THRA: variants seen among roughly 807,000 people sequenced by gnomAD.
The protein encoded by THRA is EAR-7.
In THRA, 13 loss-of-function variants were observed where a neutral mutation model predicts 45.0. The observed-to-expected ratio is 0.29, with a 90% CI of 0.19 to 0.46. THRA has a LOEUF of 0.46. THRA is among the 20% of genes least tolerant of loss of function. The pLI is 1.00. For synonymous variants in THRA, 195 were observed against 214.0 expected (o/e 0.91, Z 0.78); for missense variants, 278 against 556.1 (o/e 0.50, Z 5.03).
At chr17:40,063,430 G>A (rs1196987514) in intron 1 of THRA, among the ~76,000 whole-genome samples, 1 of 152,122 alleles carries the variant, frequency 6.6e-6, no homozygotes, top group South Asian at 2.1e-4. Flanking sequence ...GGCCGCCGGA[G>A]CTCCCCCGCC....
At chr17:40,070,554 C>T (rs1006532207) in intron 1 of THRA, among the ~76,000 whole-genome samples, 1 of 152,148 alleles carries the variant, frequency 6.6e-6, no homozygotes, top group African/African-American at 2.4e-5. Flanking sequence ...CAGTGCTGCC[C>T]ATAGACGCCT....
intron 4 of THRA, among the ~76,000 whole-genome samples, chr17:40,083,170 G>T (rs907849585): frequency 1.3e-5 from 2 of 151,032 alleles, no homozygotes; most frequent in African/African-American, 4.9e-5. Context: ...CTTGTGATCC[G>T]CCTGCCTCAG....
chr17:40,072,611 A>G (rs1290690663), intron 1 of THRA, among the ~76,000 whole-genome samples: 1 of 152,108 alleles, frequency 6.6e-6, no homozygotes, highest in Non-Finnish European at 1.5e-5. Flanking sequence ...ACAGACAGAC[A>G]TGCAGGCAGC....
At chr17:40,080,186 G>A (rs976147667) in intron 4 of THRA, among the ~76,000 whole-genome samples, 9 of 152,116 alleles carry the variant, frequency 5.9e-5, no homozygotes. Context: ...GATTGCTTGA[G>A]CCCAGGAGTT....
At chr17:40,093,167 C>G (rs1471852320), downstream of THRA, 2 of 1,613,898 alleles carry the variant, frequency 1.2e-6, no homozygotes, top group Non-Finnish European at 1.7e-6. This position sits in a 1 kb window ranked among gnomAD's most constrained non-coding sequence, Gnocchi z 5.9. Context: ...TGAGCAGCAG[C>G]TTGGTGAAGC....
intron 1 of THRA, among the ~76,000 whole-genome samples, chr17:40,070,689 C>T (rs1390518605): frequency 6.6e-6 from 1 of 152,032 alleles, no homozygotes; most frequent in African/African-American, 2.4e-5. Context: ...GGAGGGATCT[C>T]CCCCCACCCT....
At position 40,084,797 on chromosome 17, in the gene THRA, A is replaced by C; in HGVS notation, c.558A>C (p.Lys186Asn). The change falls in exon 6 of 9, where the codon AAA (lysine) becomes AAC (asparagine). Residue 186 changes from lysine (K) to asparagine (N), a missense_variant. Physicochemically the swap from Lys to Asn is moderately conservative, Grantham distance 94. Around this residue, in one of 6 missense-constraint regions of THRA, gnomAD observed 111 missense variants for 167.1 expected, o/e 0.66. Coordinates refer to ENST00000450525, the MANE Select transcript of THRA (RefSeq NM_199334.5). ...RSTNAQGSHWKQRRKFLPDDI... is the reference protein window; with the variant it reads ...RSTNAQGSHWNQRRKFLPDDI... ...CCAATGCCCAGGGCAGCCATTGGAA[A>C]CAGAGGCGGAAATTCCTGGTAAGGA... The C allele has an allele frequency of 6.2e-7, 1 of 1,613,692 alleles. No homozygotes were observed. The highest frequency in any genetic ancestry group is 8.5e-7 in the Non-Finnish European group (1 of 1,179,998).
chr17:40,071,405 C>T (rs1271222277), intron 1 of THRA, among the ~76,000 whole-genome samples: 2 of 152,200 alleles, frequency 1.3e-5, no homozygotes, highest in Admixed American at 6.5e-5. Flanking sequence ...CCGTGGATGC[C>T]GCATTGGCCC....
At chr17:40,082,753 G>A (rs1232433353) in intron 4 of THRA, among the ~76,000 whole-genome samples, 2 of 133,664 alleles carry the variant, frequency 1.5e-5, no homozygotes, top group Non-Finnish European at 3.1e-5. Context: ...CTATAGAATC[G>A]CATGCTTTTT....
intron 2 of THRA, among the ~76,000 whole-genome samples, chr17:40,076,314 G>A (rs1399685300): frequency 1.3e-5 from 2 of 152,186 alleles, no homozygotes; most frequent in African/African-American, 2.4e-5. Flanking sequence ...AGGGATGAGG[G>A]TGGTTTTATG....
chr17:40,068,235 A>G (rs1475402817), intron 1 of THRA, among the ~76,000 whole-genome samples: 1 of 152,326 alleles, frequency 6.6e-6, no homozygotes, highest in South Asian at 2.1e-4. Context: ...TTCATTATCT[A>G]GAGACAATGG....
intron 1 of THRA, among the ~76,000 whole-genome samples, chr17:40,067,935 G>T (rs1285842058): frequency 2.0e-5 from 3 of 152,192 alleles, no homozygotes; most frequent in Admixed American, 6.5e-5. Flanking sequence ...CCGGAGGATC[G>T]CTTAAGCCTG....
At chr17:40,073,902 C>T (rs1043833899) in intron 1 of THRA, among the ~76,000 whole-genome samples, 3 of 152,096 alleles carry the variant, frequency 2.0e-5, no homozygotes, top group African/African-American at 7.2e-5. Flanking sequence ...TCATTAAGGG[C>T]CAGGCATTTG....
chr17:40,091,291 T>C lies in THRA; in HGVS notation c.*1835T>C, dbSNP rs1484235845. 1 of 149,384 alleles carries C rather than the reference T, an allele frequency of 6.7e-6. No homozygotes were observed. Among genetic ancestry groups the C allele is most frequent in the East Asian group, 2.1e-4 (1 of 4,794 alleles). The allele number at this position is 149,384 out of a possible 1,614,324, so 9.3% of individuals were successfully genotyped here. On this transcript the variant is annotated 3_prime_UTR_variant, in exon 9 of 9. Transcript: ENST00000450525. ...ACACACGGACATGCACACACGGACATGGGAAGGCAATGCTATGCTGCCCGT... is the reference window on the plus strand; with the variant it reads ...ACACACGGACATGCACACACGGACACGGGAAGGCAATGCTATGCTGCCCGT...
At chr17:40,082,125 A>G (rs1987157449) in intron 4 of THRA, among the ~76,000 whole-genome samples, 1 of 151,948 alleles carries the variant, frequency 6.6e-6, no homozygotes, top group South Asian at 2.1e-4. Context: ...ACAACAGGCA[A>G]CATATATGAG....
At chr17:40,062,835 G>A (rs1195480684), upstream of THRA, 3 of 145,498 alleles carry the variant, frequency 2.1e-5, no homozygotes, top group African/African-American at 2.5e-5. Context: ...GAGCAGCCGC[G>A]AGCCGGCCGG....
chr17:40,081,723 G>A (rs1987142569), intron 4 of THRA, among the ~76,000 whole-genome samples: 1 of 152,058 alleles, frequency 6.6e-6, no homozygotes. Context: ...CAGCACTTTG[G>A]GAGGCCGAGG....
At chr17:40,065,046 G>GTT (rs112292718) in intron 1 of THRA, among the ~76,000 whole-genome samples, 42,803 of 149,162 alleles carry the variant, frequency 0.29, 6,408 homozygotes, top group Admixed American at 0.39. Flanking sequence ...GGAATGGGCT[G>GTT]TTTTTTTTTT....
intron 5 of THRA, among the ~76,000 whole-genome samples, 165 bp downstream of exon 5, chr17:40,084,147 C>T (rs1484480717): frequency 2.0e-5 from 3 of 152,126 alleles, no homozygotes; most frequent in Non-Finnish European, 2.9e-5. Flanking sequence ...CTCCTTCCTG[C>T]GCAAAAGGAA....
Sources: gnomAD v4.1 joint callset for allele counts (sites outside exome capture counted in the v4.1 genomes callset) on GRCh38, gnomAD v4.1.1 for gene constraint, gnomAD v4.1.1 regional missense constraint, Gnocchi (gnomAD v3.1) non-coding constraint, MANE v1.5 for transcripts, NCBI Gene and HGNC (gene_info 2026-07-23, HGNC 2026-07-21) for gene names.